PDE1B: variants seen among roughly 807,000 people sequenced by gnomAD.
PDE1B encodes phosphodiesterase 1B.
A neutral mutation model predicts 66.7 loss-of-function variants in PDE1B; 13 were observed. The ratio of observed to expected loss-of-function variants is 0.19; its 90% CI spans 0.13 to 0.31. The LOEUF (loss-of-function observed/expected upper bound fraction) is 0.31, where lower values mean the gene tolerates loss of function less well. PDE1B is among the 10% of genes least tolerant of loss of function. The pLI, the probability that PDE1B is intolerant of heterozygous loss-of-function variation, is 1.00. For synonymous variants in PDE1B, 230 were observed against 253.9 expected, an observed-to-expected ratio of 0.91 and a Z score of 0.90; for missense variants, 485 against 682.3, an observed-to-expected ratio of 0.71 and a Z score of 3.22.
intron 6 of PDE1B, 21 bp from the exon 7 acceptor site, chr12:54,572,580 A>G: frequency 7.5e-6 from 12 of 1,610,232 alleles, no homozygotes; most frequent in Non-Finnish European, 1.0e-5. Context: ...ATATATCTCC[A>G]TTTCCCCTAA....
Position 54,575,831 on chromosome 12 carries a change from T to C in PDE1B, c.1268-161T>C. On this transcript the variant is annotated intron_variant, in intron 12 of 15. Coordinates refer to ENST00000243052, the MANE Select transcript of PDE1B (RefSeq NM_000924.4). This position sits in a 1 kb window ranked among gnomAD's most constrained non-coding sequence, Gnocchi z 4.0. ...AGGAGCTCTCTGGGGCACCAAGACA[T>C]CATCCCAAAGCCTGCCCTGCATTGG... 1.4e-6 allele frequency: 1 copy of C among 732,606 alleles called. No homozygotes were observed. The highest frequency in any genetic ancestry group is 2.5e-5 in the East Asian group (1 of 40,084). 45.4% of individuals were successfully genotyped at this position (732,606 alleles called of 1,614,324 possible). A position where few individuals can be genotyped will look rare whatever the true frequency, so the allele number is the denominator to read the frequency against.
chr12:54,549,888 C>G lies in PDE1B; in HGVS notation c.16C>G (p.Arg6Gly). MELSP[R>G]SPPEMLEESD... ...GTGGCTGAGCATGGAGCTGTCCCCC[C>G]GCAGTCCTCCGGAGATGCTGGAGGA... Residue 6 changes from arginine (R) to glycine (G), a missense_variant, in exon 2 of 16, where the codon CGC (arginine) becomes GGC (glycine). By Grantham distance (125) the Arg-to-Gly change is moderately radical. Coordinates refer to ENST00000243052, the MANE Select transcript of PDE1B (RefSeq NM_000924.4). 2 of 1,613,712 alleles carry G rather than the reference C, an allele frequency of 1.2e-6. No individual in the cohort carries two copies. The highest frequency in any genetic ancestry group is 1.7e-6 in the Non-Finnish European group (2 of 1,179,660).
At chr12:54,557,908 T>C (rs189270866) in intron 2 of PDE1B, among the ~76,000 whole-genome samples, 108 of 152,220 alleles carry the variant, frequency 7.1e-4, no homozygotes, top group Non-Finnish European at 1.3e-3. Context: ...TGCCTTCCTC[T>C]GACCTTCTCA....
chr12:54,576,049 A>C lies in PDE1B; in HGVS notation c.1325A>C (p.Lys442Thr), dbSNP rs1192874015. Reference sequence around the variant, plus strand: ...TCTGTGCTGACTGACGTGGCAGAGAAGAGTGTTCAGCCCCTGGCGGATGAG... The same window carrying C: ...TCTGTGCTGACTGACGTGGCAGAGACGAGTGTTCAGCCCCTGGCGGATGAG... Reference protein sequence around the residue: ...TFSVLTDVAEKSVQPLADEDS... With the variant: ...TFSVLTDVAETSVQPLADEDS... Residue 442 changes from lysine to threonine, a missense_variant, in exon 13 of 16, where the codon AAG (lysine) becomes ACG (threonine). Lys to Thr is a moderately conservative substitution (Grantham distance 78, BLOSUM62 -1). Around this residue, in one of 4 missense-constraint regions of PDE1B, gnomAD observed 126 missense variants for 133.8 expected, o/e 0.94. Coordinates refer to ENST00000243052, the MANE Select transcript of PDE1B (RefSeq NM_000924.4). 1 of 1,614,012 alleles carries C rather than the reference A, an allele frequency of 6.2e-7. No individual in the cohort carries two copies. The highest frequency in any genetic ancestry group is 8.5e-7 in the Non-Finnish European group (1 of 1,179,956).
At chr12:54,576,294 C>G in intron 13 of PDE1B, 194 bp downstream of exon 13, 1 of 604,472 alleles carries the variant, frequency 1.7e-6, no homozygotes, top group South Asian at 2.0e-5. Flanking sequence ...CCTATGCTCC[C>G]CTTCACCATA....
chr12:54,573,308 G>C lies in PDE1B; in HGVS notation c.837-47G>C. The C allele has an allele frequency of 6.2e-7, 1 of 1,613,898 alleles. No individual in the cohort carries two copies. The highest frequency in any genetic ancestry group is 8.5e-7 in the Non-Finnish European group (1 of 1,179,814). ...CCAAGAGGAGGTGGGGAGGTTGCCGGAGTCCCTCCTTACAGGGGGTGGTCA... is the reference window on the plus strand; with the variant it reads ...CCAAGAGGAGGTGGGGAGGTTGCCGCAGTCCCTCCTTACAGGGGGTGGTCA... On this transcript the variant is annotated intron_variant, in intron 8 of 15. Coordinates refer to ENST00000243052, the MANE Select transcript of PDE1B (RefSeq NM_000924.4). The surrounding 1 kb of genome is among the most constrained non-coding windows in gnomAD (Gnocchi z 5.2).
intron 2 of PDE1B, among the ~76,000 whole-genome samples, chr12:54,551,860 A>G (rs1465517037): frequency 6.6e-6 from 1 of 152,204 alleles, no homozygotes; most frequent in East Asian, 1.9e-4. Context: ...ATGTCCTTAC[A>G]TGAGATTAGG....
intron 2 of PDE1B, among the ~76,000 whole-genome samples, chr12:54,555,537 C>G (rs2121036125): frequency 6.6e-6 from 1 of 152,306 alleles, no homozygotes; most frequent in Non-Finnish European, 1.5e-5. Context: ...ATCTATATAA[C>G]TACACCCTGC....
Position 54,549,755 on chromosome 12 carries a change from G to A in PDE1B, c.-31G>A, listed in dbSNP as rs1055919535. The stretch of plus-strand genomic sequence containing the variant: ...CGAGCCTAGAGACACCGGCCTGGCT[G>A]GTCCACGCCAGCCGCAGGTGGGAAG... On this transcript the variant is annotated 5_prime_UTR_variant, in exon 1 of 16. Coordinates refer to ENST00000243052, the MANE Select transcript of PDE1B (RefSeq NM_000924.4). 1.3e-6 allele frequency: 1 copy of A among 744,290 alleles called. No homozygotes were observed. The highest frequency in any genetic ancestry group is 2.3e-5 in the Admixed American group (1 of 43,048). 46.1% of individuals were successfully genotyped at this position (744,290 alleles called of 1,614,324 possible).
chr12:54,567,727 T>C (rs1957540939), intron 3 of PDE1B, among the ~76,000 whole-genome samples: 2 of 151,934 alleles, frequency 1.3e-5, no homozygotes, highest in African/African-American at 4.8e-5. Context: ...CTGCCCAACA[T>C]GGGAGCCACC....
At chr12:54,571,600 G>A (rs1957617348) in intron 6 of PDE1B, 1 of 152,308 alleles carries the variant, frequency 6.6e-6, no homozygotes, top group South Asian at 2.1e-4. Flanking sequence ...GGTGCTTCTT[G>A]TTTTAGTTTT....
chr12:54,576,893 C>T (rs946504244), intron 14 of PDE1B, 192 bp downstream of exon 14: 5 of 638,336 alleles, frequency 7.8e-6, no homozygotes, highest in East Asian at 5.5e-5. Context: ...GAATGGGGGC[C>T]GTAGAGATGA....
rs774810310 is a variant in PDE1B at position 54,573,870 on chromosome 12, A to AGAGAGTGT, written c.1064+162_1064+163insAGAGTGTG. ...GCATCTCTATGTGAGAGAGAGAGAG[A>AGAGAGTGT]GTGTGTGTGTGTGTGTGTGTGTGTG... On this transcript the variant is annotated intron_variant, in intron 10 of 15. Coordinates refer to ENST00000243052, the MANE Select transcript of PDE1B (RefSeq NM_000924.4). The surrounding 1 kb of genome is among the most constrained non-coding windows in gnomAD (Gnocchi z 5.2). 1,615 of 501,232 alleles carry AGAGAGTGT rather than the reference A, an allele frequency of 3.2e-3. 6 individuals carry two copies. Among genetic ancestry groups the AGAGAGTGT allele is most frequent in the East Asian group, 0.022 (596 of 27,274 alleles). The allele number at this position is 501,232 out of a possible 1,614,324, so 31.0% of individuals were successfully genotyped here. A position where few individuals can be genotyped will look rare whatever the true frequency, so the allele number is the denominator to read the frequency against.
chr12:54,576,909 ACAGT>A (rs1957763377), intron 14 of PDE1B: 2 of 618,536 alleles, frequency 3.2e-6, no homozygotes, highest in Admixed American at 5.8e-5. Context: ...GATGATAGAG[ACAGT>A]CAGATATTCC....
In PDE1B at chr12:54,569,425, C is replaced by T; in HGVS notation, c.410+59C>T. ...TTTAGCTGTGCCCCTCTTTCCCAGCCACCCTGGTCTTCCATGACCACCAGC... is the reference window on the plus strand; with the variant it reads ...TTTAGCTGTGCCCCTCTTTCCCAGCTACCCTGGTCTTCCATGACCACCAGC... On this transcript the variant is annotated intron_variant, in intron 4 of 15. Transcript: ENST00000243052. The surrounding 1 kb of genome is among the most constrained non-coding windows in gnomAD (Gnocchi z 4.4). 6.3e-7 allele frequency: 1 copy of T among 1,588,754 alleles called. No homozygotes were observed. The highest frequency in any genetic ancestry group is 8.6e-7 in the Non-Finnish European group (1 of 1,164,844).
intron 14 of PDE1B, 123 bp downstream of exon 14, chr12:54,576,824 A>G (rs541854097): frequency 3.0e-6 from 3 of 1,009,708 alleles, no homozygotes; most frequent in South Asian, 1.5e-5. Context: ...TTGGGAGTGG[A>G]GCTGATCAGA....
intron 15 of PDE1B, chr12:54,577,626 C>T (rs1957785287): frequency 1.4e-6 from 2 of 1,405,984 alleles, no homozygotes; most frequent in Non-Finnish European, 1.9e-6. Flanking sequence ...CTGCACCGCA[C>T]CTTAGGGAGG....
Position 54,569,623 on chromosome 12 carries a change from G to C in PDE1B, c.477+11G>C. 5 of 1,603,220 alleles carry C rather than the reference G, an allele frequency of 3.1e-6. No homozygotes were observed. The highest frequency in any genetic ancestry group is 4.3e-6 in the Non-Finnish European group (5 of 1,170,088). ...CTCAACTGTCTCAAGGTAATCTCTG[G>C]GTTTTTGGGAAAGAGGAGAAAGTTA... On this transcript the variant is annotated intron_variant, in intron 5 of 15. Transcript: ENST00000243052. The surrounding 1 kb of genome is among the most constrained non-coding windows in gnomAD (Gnocchi z 4.4).
intron 3 of PDE1B, among the ~76,000 whole-genome samples, chr12:54,568,261 C>T (rs554867729): frequency 2.6e-5 from 4 of 152,032 alleles, no homozygotes; most frequent in South Asian, 4.2e-4. Flanking sequence ...CCCAGGAATT[C>T]GAGACCAGCC....
Sources: allele counts gnomAD v4.1 joint callset (sites outside exome capture counted in the v4.1 genomes callset), GRCh38; gene constraint gnomAD v4.1.1; regional missense constraint gnomAD v4.1.1; non-coding constraint Gnocchi (gnomAD v3.1); transcripts MANE v1.5; gene names NCBI Gene and HGNC (gene_info 2026-07-23, HGNC 2026-07-21).